The following NXPE2 variants were observed in gnomAD, a reference collection of about 807,000 sequenced individuals.
NXPE2 encodes the protein NXPE family member 2.
NXPE2 carries 34 observed loss-of-function variants against 34.4 expected under a neutral mutation model. That is an observed-to-expected ratio of 0.99 (90% CI 0.75 to 1.31). The LOEUF (loss-of-function observed/expected upper bound fraction) is 1.31. Ranked by LOEUF, NXPE2 falls within the 40% of genes most tolerant of loss-of-function variation. The pLI is 0.00. For missense variants in NXPE2, 649 were observed against 672.5 expected (o/e 0.97, Z 0.39); for synonymous variants, 235 against 231.3 (o/e 1.02, Z -0.15).
At chr11:114,623,191 G>T in the NXPE2 span, among the ~76,000 whole-genome samples, 3 of 151,892 alleles carry the variant, frequency 2.0e-5, no homozygotes, top group Non-Finnish European at 2.9e-5. Context: ...TGCCTCTAGG[G>T]TAACCATTGT....
the NXPE2 span, among the ~76,000 whole-genome samples, chr11:114,773,275 T>TCCCCCCCCTC: frequency 5.2e-5 from 2 of 38,414 alleles, no homozygotes; most frequent in African/African-American, 9.1e-5. Flanking sequence ...CACAACCCAC[T>TCCCCCCCCTC]CCCACCCCCC....
At chr11:114,719,594 A>C in the NXPE2 span, among the ~76,000 whole-genome samples, 4 of 152,222 alleles carry the variant, frequency 2.6e-5, no homozygotes, top group East Asian at 1.9e-4. Flanking sequence ...GCAGAGAAGG[A>C]GTTTATAACA....
the NXPE2 span, among the ~76,000 whole-genome samples, chr11:114,762,112 T>A: frequency 6.6e-6 from 1 of 152,018 alleles, no homozygotes. Context: ...CCAGGTCTGT[T>A]TGGGGGCTCT....
chr11:114,647,144 G>A, the NXPE2 span, among the ~76,000 whole-genome samples: 12 of 152,120 alleles, frequency 7.9e-5, no homozygotes, highest in Non-Finnish European at 1.5e-4. Context: ...AAATAAAACT[G>A]CTAATTACAG....
chr11:114,499,054 A>G, the NXPE2 span, among the ~76,000 whole-genome samples: 49 of 152,214 alleles, frequency 3.2e-4, no homozygotes, highest in Non-Finnish European at 5.3e-4. Flanking sequence ...AAAAATTTCA[A>G]CTTCTCCCAT....
the NXPE2 span, among the ~76,000 whole-genome samples, chr11:114,742,032 T>C: frequency 6.6e-6 from 1 of 152,118 alleles, no homozygotes; most frequent in Non-Finnish European, 1.5e-5. Context: ...ACATGCCCAC[T>C]TCATACCTCT....
chr11:114,735,299 G>C, the NXPE2 span, among the ~76,000 whole-genome samples: 1 of 151,896 alleles, frequency 6.6e-6, no homozygotes, highest in Non-Finnish European at 1.5e-5. Context: ...TCTGTTGTTG[G>C]GACCTTTCAA....
At chr11:114,549,085 T>C in the NXPE2 span, among the ~76,000 whole-genome samples, 2 of 151,764 alleles carry the variant, frequency 1.3e-5, no homozygotes, top group East Asian at 3.9e-4. Context: ...CCTATCAAAA[T>C]TGACCTGAGT....
chr11:114,567,232 A>C, the NXPE2 span, among the ~76,000 whole-genome samples: 31,586 of 151,826 alleles, frequency 0.21, 4,345 homozygotes, highest in African/African-American at 0.38. Flanking sequence ...CACTCCCTGT[A>C]TGTGAAGGCC....
chr11:114,476,837 A>G, the NXPE2 span, among the ~76,000 whole-genome samples: 2 of 152,174 alleles, frequency 1.3e-5, no homozygotes, highest in African/African-American at 4.8e-5. Context: ...AACCATATCA[A>G]TAGTGTGTGT....
chr11:114,773,220 C>G, the NXPE2 span, among the ~76,000 whole-genome samples: 6 of 151,614 alleles, frequency 4.0e-5, no homozygotes, highest in Admixed American at 3.9e-4. Flanking sequence ...TCAATGGACT[C>G]CAAGACAGAG....
At chr11:114,630,371 T>C in the NXPE2 span, among the ~76,000 whole-genome samples, 7 of 151,664 alleles carry the variant, frequency 4.6e-5, no homozygotes, top group Admixed American at 3.9e-4. Context: ...TAACACCACA[T>C]TTCTACAACT....
the NXPE2 span, among the ~76,000 whole-genome samples, chr11:114,495,869 A>G: frequency 0.016 from 2,400 of 152,226 alleles, 65 homozygotes; most frequent in African/African-American, 0.055. Flanking sequence ...ACTGTGGCTC[A>G]TCTGGTTTCC....
the NXPE2 span, among the ~76,000 whole-genome samples, chr11:114,537,057 C>G: frequency 2.0e-5 from 3 of 152,118 alleles, no homozygotes; most frequent in Admixed American, 2.0e-4. Flanking sequence ...CCGAATCCAG[C>G]AACACATCAA....
chr11:114,541,034 G>A, the NXPE2 span, among the ~76,000 whole-genome samples: 2 of 151,780 alleles, frequency 1.3e-5, no homozygotes, highest in South Asian at 4.2e-4. Flanking sequence ...CACACCTGTG[G>A]GGTAGACCCA....
At chr11:114,628,403 C>T in the NXPE2 span, among the ~76,000 whole-genome samples, 2 of 152,184 alleles carry the variant, frequency 1.3e-5, no homozygotes, top group African/African-American at 4.8e-5. Flanking sequence ...AACTGAACAA[C>T]CTGCTTCTGA....
At chr11:114,770,828 T>C in the NXPE2 span, among the ~76,000 whole-genome samples, 1 of 152,208 alleles carries the variant, frequency 6.6e-6, no homozygotes, top group Non-Finnish European at 1.5e-5. Flanking sequence ...CTTGCACTCA[T>C]GTTAAATTGG....
the NXPE2 span, among the ~76,000 whole-genome samples, chr11:114,719,355 T>C: frequency 6.6e-6 from 1 of 152,162 alleles, no homozygotes; most frequent in Non-Finnish European, 1.5e-5. Context: ...ATGAGAAATA[T>C]GAGCAATCTG....
chr11:114,626,377 C>A, the NXPE2 span, among the ~76,000 whole-genome samples: 1 of 152,144 alleles, frequency 6.6e-6, no homozygotes, highest in Admixed American at 6.5e-5. Context: ...CCCTGACCCC[C>A]GAGCAGCCTA....
Sources: gnomAD v4.1 joint callset for allele counts (sites outside exome capture counted in the v4.1 genomes callset) on GRCh38, gnomAD v4.1.1 for gene constraint, MANE v1.5 for transcripts, NCBI Gene and HGNC (gene_info 2026-07-23, HGNC 2026-07-21) for gene names.